Variants in TMPRSS15 observed in about 807,000 individuals in gnomAD.
The protein encoded by TMPRSS15 is enteropeptidase.
TMPRSS15 carries 128 observed loss-of-function variants against 125.3 expected under a neutral mutation model. The ratio of observed to expected loss-of-function variants is 1.02; its 90% CI spans 0.89 to 1.18. The LOEUF is 1.18. Among genes scored for constraint, TMPRSS15 ranks in the 50% most tolerant of loss-of-function variants. TMPRSS15 has a pLI of 0.00. For synonymous variants in TMPRSS15, 446 were observed against 423.2 expected (o/e 1.05, Z -0.66); for missense variants, 1,283 against 1,212.7 (o/e 1.06, Z -0.86).
chr21:18,394,960 A>G (rs187605232), intron 3 of TMPRSS15, among the ~76,000 whole-genome samples: 266 of 152,310 alleles, frequency 1.7e-3, no homozygotes, highest in Non-Finnish European at 2.7e-3. Flanking sequence ...AAGGAAAAAA[A>G]TAAGAGAATA....
intron 1 of TMPRSS15, among the ~76,000 whole-genome samples, chr21:18,479,507 C>G (rs1165599795): frequency 1.3e-5 from 2 of 151,748 alleles, no homozygotes; most frequent in African/African-American, 4.8e-5. Flanking sequence ...TCAATTCCAG[C>G]CTTTAGGGAC....
intron 1 of TMPRSS15, among the ~76,000 whole-genome samples, chr21:18,461,590 A>G (rs1211457346): frequency 1.3e-5 from 2 of 152,306 alleles, no homozygotes; most frequent in African/African-American, 4.8e-5. Flanking sequence ...CTTACAGTAC[A>G]GTTTTCATTC....
intron 3 of TMPRSS15, among the ~76,000 whole-genome samples, chr21:18,387,119 T>G (rs1470118250): frequency 6.6e-6 from 1 of 152,116 alleles, no homozygotes; most frequent in African/African-American, 2.4e-5. Flanking sequence ...ATGAGAGAGA[T>G]AAAGCAGAAA....
At chr21:18,387,988 G>T (rs2075960227) in intron 3 of TMPRSS15, among the ~76,000 whole-genome samples, 1 of 152,082 alleles carries the variant, frequency 6.6e-6, no homozygotes, top group Admixed American at 6.6e-5. Context: ...ACGTATATTT[G>T]TAGGTGATTA....
At chr21:18,286,935 T>G (rs1419958215) in intron 21 of TMPRSS15, among the ~76,000 whole-genome samples, 1 of 152,206 alleles carries the variant, frequency 6.6e-6, no homozygotes, top group Admixed American at 6.5e-5. Flanking sequence ...TGCTGTTACC[T>G]TCAAAGAAAT....
rs148057792 is a variant in TMPRSS15 at position 18,369,973 on chromosome 21, C to CAAAAAAAAAAAAAAAAAAAAAAAAAAAAA, written c.664+2219_664+2220insTTTTTTTTTTTTTTTTTTTTTTTTTTTTT. On this transcript the variant is annotated intron_variant, in intron 6 of 24. Transcript: ENST00000284885. Reference sequence around the variant, plus strand: ...AAAATAGATATAATACTTACTTAAACGAAAAAAAAAAAAAAGAAAATCAAG... The same window carrying CAAAAAAAAAAAAAAAAAAAAAAAAAAAAA: ...AAAATAGATATAATACTTACTTAAACAAAAAAAAAAAAAAAAAAAAAAAAAAAAAGAAAAAAAAAAAAAAGAAAATCAAG... Among the ~76,000 whole-genome samples, 5 of 136,012 alleles carry CAAAAAAAAAAAAAAAAAAAAAAAAAAAAA rather than the reference C, an allele frequency of 3.7e-5. 1 individual carries two copies. Among genetic ancestry groups the CAAAAAAAAAAAAAAAAAAAAAAAAAAAAA allele is most frequent in the Non-Finnish European group, 3.1e-5 (2 of 64,110 alleles). The allele number at this position is 136,012 out of a possible 152,430, so 89.2% of individuals were successfully genotyped here. A position where few individuals can be genotyped will look rare whatever the true frequency, so the allele number is the denominator to read the frequency against.
intron 6 of TMPRSS15, among the ~76,000 whole-genome samples, chr21:18,368,940 T>G (rs749571529): frequency 1.3e-5 from 2 of 152,140 alleles, no homozygotes; most frequent in Non-Finnish European, 2.9e-5. Flanking sequence ...TTTCAGGATG[T>G]TTCTGGAGAA....
chr21:18,473,933 C>T (rs1233233462), intron 1 of TMPRSS15, among the ~76,000 whole-genome samples: 2 of 151,954 alleles, frequency 1.3e-5, no homozygotes, highest in Non-Finnish European at 2.9e-5. Context: ...ACTAGTTTGC[C>T]ATCAAGGGTT....
At chr21:18,329,107 C>G in intron 15 of TMPRSS15, 62 bp downstream of exon 15, 1 of 1,433,204 alleles carries the variant, frequency 7.0e-7, no homozygotes, top group Non-Finnish European at 9.3e-7. Flanking sequence ...AAGAAACGCT[C>G]TTTCCATCAG....
At chr21:18,455,490 G>T (rs1304710961) in intron 1 of TMPRSS15, among the ~76,000 whole-genome samples, 1 of 152,206 alleles carries the variant, frequency 6.6e-6, no homozygotes, top group Admixed American at 6.5e-5. Flanking sequence ...GGCTGATGAA[G>T]TTAGGACCTG....
Position 18,379,295 on chromosome 21 carries a change from G to T in TMPRSS15, c.520C>A (p.Leu174Met). ...ILDKLTTTSH[L>M]ATPGNVSIEC... The stretch of plus-strand genomic sequence containing the variant: ...TATTAAAACTGACCTGGAGTTGCCA[G>T]ATGACTGGTGGTTGTTAGCTTGTCT... The change falls in exon 5 of 25, where the codon CTG (leucine) becomes ATG (methionine). Residue 174 changes from leucine (L) to methionine (M), a missense_variant. Transcript: ENST00000284885. The T allele has an allele frequency of 7.5e-7, 1 of 1,336,834 alleles. No individual in the cohort carries two copies. Among genetic ancestry groups the T allele is most frequent in the Non-Finnish European group, 9.8e-7 (1 of 1,017,780 alleles). The allele number at this position is 1,336,834 out of a possible 1,614,324, so 82.8% of individuals were successfully genotyped here.
At chr21:18,315,086 T>G (rs1292501353) in intron 17 of TMPRSS15, 60 bp downstream of exon 17, 2 of 1,301,848 alleles carry the variant, frequency 1.5e-6, no homozygotes, top group Non-Finnish European at 1.1e-6. Context: ...TCTTTGACAC[T>G]GTAGAGTCCA....
intron 1 of TMPRSS15, among the ~76,000 whole-genome samples, chr21:18,472,605 G>C (rs1978803855): frequency 6.6e-6 from 1 of 151,814 alleles, no homozygotes; most frequent in African/African-American, 2.4e-5. Context: ...TAAACTGCTT[G>C]ATGAGTCTAA....
Position 18,341,490 on chromosome 21 carries a change from C to T in TMPRSS15, c.1487G>A (p.Ser496Asn), listed in dbSNP as rs779448631. The change falls in exon 13 of 25, where the codon AGC (serine) becomes AAC (asparagine). Residue 496 changes from serine to asparagine, a missense_variant. Transcript: ENST00000284885. ...ILSDIALDDI[S>N]LTYGICNGSL... ...CCCATTGCAAATCCCATATGTTAGG[C>T]TAATGTCATCCAACGCAATATCACT... 6.2e-7 allele frequency: 1 copy of T among 1,614,116 alleles called. No homozygotes were observed. Among genetic ancestry groups the T allele is most frequent in the East Asian group, 2.2e-5 (1 of 44,886 alleles).
At chr21:18,410,857 A>G (rs543502456) in intron 1 of TMPRSS15, among the ~76,000 whole-genome samples, 2 of 152,266 alleles carry the variant, frequency 1.3e-5, no homozygotes, top group African/African-American at 4.8e-5. Flanking sequence ...ATTTTATTCA[A>G]CTTAAGGATA....
chr21:18,466,860 T>TAGAACC (rs958029098), intron 1 of TMPRSS15, among the ~76,000 whole-genome samples: 47 of 152,222 alleles, frequency 3.1e-4, no homozygotes, highest in African/African-American at 8.9e-4. Context: ...GAGATTCCTC[T>TAGAACC]AGGATCTAGA....
rs1292029093 is a variant in TMPRSS15, at chr21:18,362,535, A to G, written c.773+2605T>C. Among the ~76,000 whole-genome samples the G allele has an allele frequency of 3.3e-5, 5 of 152,174 alleles. No individual in the cohort carries two copies. In the East Asian group the frequency reaches 9.6e-4, roughly 29 times the overall value. ...ATTCAGAAAATTCAACTCACTTCCA[A>G]TAAAACCACAGGGATTTATAAAAGT... On this transcript the variant is annotated intron_variant, in intron 7 of 24. Transcript: ENST00000284885.
chr21:18,310,963 C>A (rs2075095342), intron 18 of TMPRSS15, among the ~76,000 whole-genome samples: 1 of 122,930 alleles, frequency 8.1e-6, no homozygotes, highest in Admixed American at 7.6e-5. Flanking sequence ...TTAACAAAGG[C>A]ACCAAGAACA....
chr21:18,313,171 A>T lies in TMPRSS15; in HGVS notation c.2033-94T>A, dbSNP rs112884868. ...TCAAAGAGTACAGAGCTTCATTTAG[A>T]CAGGAGGAATAAGTTCATGAGATCT... On this transcript the variant is annotated intron_variant, in intron 17 of 24. Transcript: ENST00000284885. 7.9e-5 allele frequency: 66 copies of T among 837,064 alleles called. No individual in the cohort carries two copies. The African/African-American group carries it at 8.8e-4, about 11-fold the overall frequency. The allele number at this position is 837,064 out of a possible 1,614,324, so 51.9% of individuals were successfully genotyped here. A position where few individuals can be genotyped will look rare whatever the true frequency, so the allele number is the denominator to read the frequency against.
Sources: allele counts gnomAD v4.1 joint callset (sites outside exome capture counted in the v4.1 genomes callset), GRCh38; gene constraint gnomAD v4.1.1; transcripts MANE v1.5; gene names NCBI Gene and HGNC (gene_info 2026-07-23, HGNC 2026-07-21).